Variants in NKAIN2 observed in about 807,000 individuals in gnomAD.
NKAIN2 encodes the protein sodium/potassium-transporting ATPase subunit beta-1-interacting protein 2.
Under a neutral mutation model 32.6 loss-of-function variants are expected in NKAIN2, and 14 were observed. The observed-to-expected ratio is 0.43, with a 90% CI of 0.28 to 0.67. The LOEUF (loss-of-function observed/expected upper bound fraction) is 0.67. NKAIN2 is among the 30% of genes least tolerant of loss of function. The probability of loss-of-function intolerance (pLI) is 0.17; values close to 1 mark genes in which losing one functional copy is unlikely to be tolerated. For missense variants in NKAIN2, 198 were observed against 258.3 expected, an observed-to-expected ratio of 0.77 and a Z score of 1.60; for synonymous variants, 80 against 87.2, an observed-to-expected ratio of 0.92 and a Z score of 0.46.
chr6:124,047,111 T>C (rs1001986123), intron 1 of NKAIN2, among the ~76,000 whole-genome samples: 2 of 152,002 alleles, frequency 1.3e-5, no homozygotes, highest in Non-Finnish European at 2.9e-5. Context: ...TGATATACTT[T>C]TTTGTTAACC....
intron 1 of NKAIN2, among the ~76,000 whole-genome samples, chr6:124,203,937 A>T (rs1180242418): frequency 6.6e-6 from 1 of 151,928 alleles, no homozygotes; most frequent in Non-Finnish European, 1.5e-5. Flanking sequence ...ATTTCGCAGA[A>T]GGATTGCTTC....
At chr6:124,322,961 A>G (rs1195240516) in intron 2 of NKAIN2, among the ~76,000 whole-genome samples, 1 of 152,144 alleles carries the variant, frequency 6.6e-6, no homozygotes, top group East Asian at 1.9e-4. Context: ...TTTTAATTTT[A>G]GCTGTTCCAA....
At chr6:124,787,575 T>C (rs1779564451) in intron 4 of NKAIN2, among the ~76,000 whole-genome samples, 1 of 152,108 alleles carries the variant, frequency 6.6e-6, no homozygotes, top group South Asian at 2.1e-4. Flanking sequence ...AGCTACCTGA[T>C]AGATGTCAGC....
At chr6:123,942,560 A>T (rs1005711661) in intron 1 of NKAIN2, among the ~76,000 whole-genome samples, 1 of 151,980 alleles carries the variant, frequency 6.6e-6, no homozygotes, top group African/African-American at 2.4e-5. Flanking sequence ...ATTTTCTGCC[A>T]TGTGTTAATT....
chr6:124,263,259 T>A (rs1309209161), intron 1 of NKAIN2, among the ~76,000 whole-genome samples: 2 of 152,164 alleles, frequency 1.3e-5, no homozygotes, highest in African/African-American at 4.8e-5. Context: ...CTAATATCTA[T>A]CAATGGATCT....
chr6:124,539,318 C>T (rs1367317045), intron 3 of NKAIN2, among the ~76,000 whole-genome samples: 1 of 152,130 alleles, frequency 6.6e-6, no homozygotes, highest in African/African-American at 2.4e-5. Flanking sequence ...CACCAGTGGA[C>T]CTCAGGTTGC....
At chr6:123,952,030 C>T (rs77638624) in intron 1 of NKAIN2, among the ~76,000 whole-genome samples, 4,149 of 151,994 alleles carry the variant, frequency 0.027, 164 homozygotes, top group African/African-American at 0.091. Context: ...TGGTACATAT[C>T]ATTCTTTTGC....
rs546821015 is a variant in NKAIN2 at position 124,339,883 on chromosome 6, C to A, written c.193-15384C>A. ...GCAATAGAATAAAGAGAGTATCAGA[C>A]GTATTATATGAAAATCTTCAAATTT... On this transcript the variant is annotated intron_variant, in intron 2 of 6. Coordinates refer to ENST00000368417, the MANE Select transcript of NKAIN2 (RefSeq NM_001040214.3). Among the ~76,000 whole-genome samples, 181 of 152,100 alleles carry A rather than the reference C, an allele frequency of 1.2e-3. 1 individual carries two copies. Among genetic ancestry groups the A allele is most frequent in the African/African-American group, 4.3e-3 (177 of 41,480 alleles).
intron 4 of NKAIN2, among the ~76,000 whole-genome samples, chr6:124,713,368 T>C (rs1056063782): frequency 6.6e-6 from 1 of 152,222 alleles, no homozygotes; most frequent in African/African-American, 2.4e-5. Context: ...TGAATTATAG[T>C]ACAGAGTAGG....
chr6:124,526,154 G>A (rs1346542886), intron 3 of NKAIN2, among the ~76,000 whole-genome samples: 1 of 152,088 alleles, frequency 6.6e-6, no homozygotes, highest in African/African-American at 2.4e-5. Context: ...AGCAAGACAT[G>A]GCAAGCAATA....
At chr6:124,485,908 A>G (rs1777630950) in intron 3 of NKAIN2, among the ~76,000 whole-genome samples, 1 of 152,196 alleles carries the variant, frequency 6.6e-6, no homozygotes, top group South Asian at 2.1e-4. Context: ...GTAGTGACCA[A>G]GGTCAGGGTG....
At chr6:124,536,068 C>T (rs1779702062) in intron 3 of NKAIN2, among the ~76,000 whole-genome samples, 1 of 152,174 alleles carries the variant, frequency 6.6e-6, no homozygotes, top group South Asian at 2.1e-4. Flanking sequence ...AAGAGGCCAT[C>T]CCTGGACTTT....
chr6:124,339,055 C>T (rs1244962295), intron 2 of NKAIN2, among the ~76,000 whole-genome samples: 2 of 152,112 alleles, frequency 1.3e-5, no homozygotes, highest in Non-Finnish European at 2.9e-5. Flanking sequence ...GACCCAGTGG[C>T]TCACGGGCTG....
chr6:124,328,599 T>G (rs935872064), intron 2 of NKAIN2, among the ~76,000 whole-genome samples: 3 of 152,130 alleles, frequency 2.0e-5, no homozygotes, highest in Admixed American at 1.3e-4. Flanking sequence ...GCAGACAAAA[T>G]ATTGTAAAAG....
chr6:124,152,134 A>T (rs1310745096), intron 1 of NKAIN2, among the ~76,000 whole-genome samples: 2 of 151,980 alleles, frequency 1.3e-5, no homozygotes, highest in Admixed American at 1.3e-4. Flanking sequence ...TTGTGTATGC[A>T]TGTGTGGTGT....
At chr6:123,980,350 A>T (rs1408025138) in intron 1 of NKAIN2, among the ~76,000 whole-genome samples, 2 of 152,204 alleles carry the variant, frequency 1.3e-5, no homozygotes. Flanking sequence ...TTAATCAAAA[A>T]GGTCATGCAT....
At chr6:123,813,932 G>T (rs747843703) in intron 1 of NKAIN2, among the ~76,000 whole-genome samples, 28 of 151,170 alleles carry the variant, frequency 1.9e-4, no homozygotes, top group East Asian at 7.8e-4. Context: ...CCTATAGCCT[G>T]AGATTTTCTC....
intron 1 of NKAIN2, among the ~76,000 whole-genome samples, chr6:123,984,666 A>C (rs2114673334): frequency 6.6e-6 from 1 of 152,254 alleles, no homozygotes; most frequent in African/African-American, 2.4e-5. Context: ...TCCTCAGAAA[A>C]GATGTTACCA....
intron 1 of NKAIN2, chr6:123,828,801 C>T (rs1774254416): frequency 6.6e-6 from 1 of 152,266 alleles, no homozygotes; most frequent in Non-Finnish European, 1.5e-5. Context: ...TTTCTTACCC[C>T]CCCTTACCCC....
Sources: allele counts gnomAD v4.1 joint callset (sites outside exome capture counted in the v4.1 genomes callset), GRCh38; gene constraint gnomAD v4.1.1; transcripts MANE v1.5; gene names NCBI Gene and HGNC (gene_info 2026-07-23, HGNC 2026-07-21).